UNC5C: variants seen among roughly 807,000 people sequenced by gnomAD.
UNC5C encodes the protein unc-5 netrin receptor C.
In UNC5C, 47 loss-of-function variants were observed where a neutral mutation model predicts 99.8. That is an observed-to-expected ratio of 0.47 (90% CI 0.37 to 0.60). UNC5C has a LOEUF of 0.60. UNC5C is among the 20% of genes least tolerant of loss of function. The pLI is 0.00. For synonymous variants in UNC5C, 487 were observed against 452.2 expected (o/e 1.08, Z -0.98); for missense variants, 1,062 against 1,165.9 (o/e 0.91, Z 1.30).
chr4:95,209,261 A>G (rs1273921753), intron 10 of UNC5C, among the ~76,000 whole-genome samples: 2 of 152,218 alleles, frequency 1.3e-5, no homozygotes, highest in African/African-American at 4.8e-5. Flanking sequence ...GTTGTCTTTG[A>G]TCCACAAGAC....
At chr4:95,382,673 C>G (rs1163253001) in intron 1 of UNC5C, among the ~76,000 whole-genome samples, 1 of 152,086 alleles carries the variant, frequency 6.6e-6, no homozygotes, top group African/African-American at 2.4e-5. Context: ...ATAGAGTCCT[C>G]AGGTGGAATA....
chr4:95,323,831 T>A (rs1241722593), intron 2 of UNC5C, among the ~76,000 whole-genome samples: 1 of 151,272 alleles, frequency 6.6e-6, no homozygotes, highest in Non-Finnish European at 1.5e-5. Flanking sequence ...AAGTCAGGAG[T>A]TCAAGACCAG....
At chr4:95,475,306 C>T (rs1409149616) in intron 1 of UNC5C, among the ~76,000 whole-genome samples, 3 of 151,952 alleles carry the variant, frequency 2.0e-5, no homozygotes, top group Admixed American at 1.3e-4. Context: ...GAATCCAAGA[C>T]CCATTTTGGG....
intron 1 of UNC5C, among the ~76,000 whole-genome samples, chr4:95,475,939 C>T (rs1748131851): frequency 6.6e-6 from 1 of 152,188 alleles, no homozygotes; most frequent in Non-Finnish European, 1.5e-5. Flanking sequence ...ATGTCAGGCA[C>T]ACATTATGCT....
At chr4:95,209,216 T>C (rs889572306) in intron 10 of UNC5C, among the ~76,000 whole-genome samples, 7 of 152,212 alleles carry the variant, frequency 4.6e-5, no homozygotes, top group Non-Finnish European at 1.0e-4. Context: ...GATGGTACTC[T>C]GTATAATGCT....
chr4:95,219,340 A>G (rs770595901), intron 8 of UNC5C, 27 bp from the exon 9 acceptor site: 25 of 1,596,016 alleles, frequency 1.6e-5, no homozygotes, highest in Non-Finnish European at 2.1e-5. Context: ...AAATAATCCC[A>G]TTGGCATTCT....
In UNC5C at chr4:95,402,788, A is replaced by G. The variant is rs529999199; in HGVS notation, c.125-67157T>C. On this transcript the variant is annotated intron_variant, in intron 1 of 15. Coordinates refer to ENST00000453304, the MANE Select transcript of UNC5C (RefSeq NM_003728.4). ...ATCTGCAATTAGCTAAACCTTTCTA[A>G]ATCTATTTTAAATCCTAGTTCCTTG... 2.0e-5 allele frequency among the ~76,000 whole-genome samples: 3 copies of G among 152,218 alleles called. No homozygotes were observed. In the South Asian group the frequency reaches 6.2e-4, roughly 32 times the overall value.
chr4:95,288,410 G>A (rs531654817), intron 3 of UNC5C, among the ~76,000 whole-genome samples: 3 of 152,276 alleles, frequency 2.0e-5, no homozygotes, highest in South Asian at 2.1e-4. Flanking sequence ...CTAGAACTGT[G>A]AGAGGCTAAC....
At chr4:95,395,937 G>T (rs1745497410) in intron 1 of UNC5C, among the ~76,000 whole-genome samples, 2 of 152,196 alleles carry the variant, frequency 1.3e-5, no homozygotes, top group Admixed American at 1.3e-4. Context: ...CATAGAGTTG[G>T]AGTACACAGA....
intron 4 of UNC5C, among the ~76,000 whole-genome samples, chr4:95,276,225 C>T (rs1489971432): frequency 6.6e-6 from 1 of 152,128 alleles, no homozygotes; most frequent in Admixed American, 6.6e-5. Flanking sequence ...AGAATCTACA[C>T]AGGAATTTAT....
intron 1 of UNC5C, among the ~76,000 whole-genome samples, chr4:95,524,264 T>A (rs1388434077): frequency 6.6e-6 from 1 of 152,200 alleles, no homozygotes; most frequent in East Asian, 1.9e-4. Flanking sequence ...TTGACTTTGG[T>A]ACATTACTTC....
chr4:95,356,468 C>T lies in UNC5C; in HGVS notation c.125-20837G>A, dbSNP rs572029415. ...TGAAAGGAACATTGAACCATGAGTT[C>T]GAGGCCTTGGTATTGGTTCCAGCCA... On this transcript the variant is annotated intron_variant, in intron 1 of 15. Transcript: ENST00000453304. Among the ~76,000 whole-genome samples, 9 of 152,156 alleles carry T rather than the reference C, an allele frequency of 5.9e-5. No individual in the cohort carries two copies. In the South Asian group the frequency reaches 1.2e-3, roughly 21 times the overall value.
chr4:95,242,378 G>A (rs367753244), intron 7 of UNC5C, 51 bp downstream of exon 7: 5 of 1,600,468 alleles, frequency 3.1e-6, no homozygotes, highest in Non-Finnish European at 4.3e-6. Flanking sequence ...AACTCCAAAT[G>A]GTTCAATCTC....
In UNC5C at chr4:95,162,742, T is replaced by G. The variant is rs559670310; in HGVS notation, c.*6492A>C. 6.6e-6 allele frequency: 1 copy of G among 152,132 alleles called. No homozygotes were observed. Among genetic ancestry groups the G allele is most frequent in the African/African-American group, 2.4e-5 (1 of 41,502 alleles). The allele number at this position is 152,132 out of a possible 1,614,324, so 9.4% of individuals were successfully genotyped here. ...CACTCTGCCTCTGCCGGGGGGTTTT[T>G]TTAGAAAAGGAATTGCATAGAAGAT... On this transcript the variant is annotated 3_prime_UTR_variant, in exon 16 of 16. Transcript: ENST00000453304.
intron 1 of UNC5C, among the ~76,000 whole-genome samples, chr4:95,491,230 A>C (rs958316000): frequency 2.0e-5 from 3 of 151,676 alleles, no homozygotes; most frequent in Non-Finnish European, 4.4e-5. Flanking sequence ...AGGCTGACAA[A>C]ATAATTACAG....
chr4:95,196,246 T>A (rs1447101411), intron 12 of UNC5C, among the ~76,000 whole-genome samples: 1 of 152,176 alleles, frequency 6.6e-6, no homozygotes, highest in Non-Finnish European at 1.5e-5. Flanking sequence ...GGAAAACACC[T>A]TTTTCATTAA....
chr4:95,292,233 A>G (rs1419118972), intron 3 of UNC5C, among the ~76,000 whole-genome samples: 1 of 72,778 alleles, frequency 1.4e-5, no homozygotes, highest in African/African-American at 7.7e-5. Context: ...ACACACACAC[A>G]CACATATATA....
At chr4:95,227,505 C>T (rs535710584) in intron 7 of UNC5C, among the ~76,000 whole-genome samples, 1 of 152,270 alleles carries the variant, frequency 6.6e-6, no homozygotes, top group African/African-American at 2.4e-5. Flanking sequence ...ATTTTCCTGA[C>T]TTGCAGGAAT....
chr4:95,384,796 C>T lies in UNC5C; in HGVS notation c.125-49165G>A, dbSNP rs116729674. ...CAAAGCTGGTGAGAGACCAGGAGAGCCTCTACCAAAATAGCATCTTCGGAG... is the reference window on the plus strand; with the variant it reads ...CAAAGCTGGTGAGAGACCAGGAGAGTCTCTACCAAAATAGCATCTTCGGAG... On this transcript the variant is annotated intron_variant, in intron 1 of 15. Transcript: ENST00000453304. Among the ~76,000 whole-genome samples, 1,185 of 152,078 alleles carry T rather than the reference C, an allele frequency of 7.8e-3. 13 individuals are homozygous for T. The highest frequency in any genetic ancestry group is 0.015 in the Admixed American group (222 of 15,266).
Sources: gnomAD v4.1 joint callset for allele counts (sites outside exome capture counted in the v4.1 genomes callset) on GRCh38, gnomAD v4.1.1 for gene constraint, MANE v1.5 for transcripts, NCBI Gene and HGNC (gene_info 2026-07-23, HGNC 2026-07-21) for gene names.